Variants in INSL6 observed in about 807,000 individuals in gnomAD.
The protein encoded by INSL6 is insulin-like peptide INSL6.
In INSL6, 16 loss-of-function variants were observed where a neutral mutation model predicts 9.4. The ratio of observed to expected loss-of-function variants is 1.70; its 90% CI spans 1.15 to 2.59. The LOEUF is 2.59. Ranked by LOEUF, INSL6 falls within the 30% of genes most tolerant of loss-of-function variation. The pLI, the probability that INSL6 is intolerant of heterozygous loss-of-function variation, is 0.00. For missense variants in INSL6, 391 were observed against 257.3 expected (o/e 1.52, Z -3.56); for synonymous variants, 154 against 96.9 (o/e 1.59, Z -3.46).
the INSL6 span, among the ~76,000 whole-genome samples, chr9:5,035,911 T>C: frequency 3.3e-5 from 5 of 152,204 alleles, no homozygotes; most frequent in Admixed American, 6.5e-5. Context: ...AAATAAAGGT[T>C]ATTTGATTAG....
At chr9:5,082,132 A>G in the INSL6 span, among the ~76,000 whole-genome samples, 4 of 130,804 alleles carry the variant, frequency 3.1e-5, no homozygotes, top group Non-Finnish European at 5.9e-5. Flanking sequence ...AAGTATAGAG[A>G]AAGAAAAGTG....
chr9:5,111,215 G>A, the INSL6 span: 2 of 592,090 alleles, frequency 3.4e-6, no homozygotes, highest in Non-Finnish European at 6.2e-6. Context: ...GGAGGCAAGA[G>A]CAGCTAGCGC....
chr9:4,993,931 A>G, the INSL6 span, among the ~76,000 whole-genome samples: 1 of 152,162 alleles, frequency 6.6e-6, no homozygotes, highest in Non-Finnish European at 1.5e-5. Flanking sequence ...GTGTGTCTAA[A>G]TGGTCTCAGA....
At chr9:5,130,394 C>T (rs921277552) in intron 3 of INSL6, among the ~76,000 whole-genome samples, 2 of 152,106 alleles carry the variant, frequency 1.3e-5, no homozygotes, top group Admixed American at 1.3e-4. Flanking sequence ...TGGTAAATAA[C>T]AGATAGATCA....
At chr9:5,039,656 C>T in the INSL6 span, among the ~76,000 whole-genome samples, 1 of 151,854 alleles carries the variant, frequency 6.6e-6, no homozygotes, top group African/African-American at 2.4e-5. Context: ...AATAGAAGAT[C>T]AATATATAAA....
At chr9:5,088,645 C>G in the INSL6 span, among the ~76,000 whole-genome samples, 3 of 152,168 alleles carry the variant, frequency 2.0e-5, no homozygotes, top group African/African-American at 7.2e-5. Context: ...GCTTAAACAT[C>G]AGACATTTAT....
At chr9:5,128,007 T>C (rs1004027187) in intron 3 of INSL6, 5 of 231,718 alleles carry the variant, frequency 2.2e-5, no homozygotes, top group African/African-American at 1.1e-4. Context: ...GTATAAGGGG[T>C]TGTTCGTTGT....
At chr9:5,104,218 A>T in the INSL6 span, among the ~76,000 whole-genome samples, 1 of 152,206 alleles carries the variant, frequency 6.6e-6, no homozygotes, top group Admixed American at 6.5e-5. Flanking sequence ...GGAATAAAAA[A>T]TGGTAAAGGG....
At chr9:5,121,414 T>C (rs568666446), downstream of INSL6, among the ~76,000 whole-genome samples, 34 of 152,286 alleles carry the variant, frequency 2.2e-4, no homozygotes, top group South Asian at 6.2e-4. Flanking sequence ...CACTTGGTAA[T>C]TGGAGTGACT....
the INSL6 span, among the ~76,000 whole-genome samples, chr9:5,003,310 C>T: frequency 8.9e-4 from 135 of 151,956 alleles, no homozygotes; most frequent in African/African-American, 3.1e-3. Context: ...GGAAAAGAAC[C>T]GACATCTGAA....
At chr9:5,011,455 G>A in the INSL6 span, among the ~76,000 whole-genome samples, 21 of 152,296 alleles carry the variant, frequency 1.4e-4, no homozygotes, top group Admixed American at 3.3e-4. Flanking sequence ...CTCCCAAAAT[G>A]TTGGGATTAA....
At chr9:5,083,177 CCTTT>C in the INSL6 span, among the ~76,000 whole-genome samples, 1 of 150,862 alleles carries the variant, frequency 6.6e-6, no homozygotes, top group Non-Finnish European at 1.5e-5. Context: ...TTTCTGCCTG[CCTTT>C]CTGCCTTTAG....
chr9:5,092,644 G>T, the INSL6 span, among the ~76,000 whole-genome samples: 2 of 152,154 alleles, frequency 1.3e-5, no homozygotes, highest in African/African-American at 4.8e-5. Flanking sequence ...TATACCTTCT[G>T]CATAAAGTAT....
chr9:5,080,474 AAAG>A, the INSL6 span: 1 of 1,542,988 alleles, frequency 6.5e-7, no homozygotes, highest in East Asian at 2.3e-5. Flanking sequence ...CTAATTTTAA[AAAG>A]AAGGTTGGTG....
intron 1 of INSL6, among the ~76,000 whole-genome samples, chr9:5,181,799 A>G (rs922802562): frequency 2.6e-5 from 4 of 152,248 alleles, no homozygotes; most frequent in Non-Finnish European, 4.4e-5. Context: ...ATAAACAGGA[A>G]ATTTTAAGAG....
the INSL6 span, chr9:5,112,069 T>G: frequency 7.5e-6 from 3 of 398,688 alleles, no homozygotes; most frequent in Admixed American, 2.8e-5. Flanking sequence ...CTCCACGGCC[T>G]GGAGAGTAAG....
At chr9:5,166,532 A>G in intron 1 of INSL6, among the ~76,000 whole-genome samples, 1 of 152,226 alleles carries the variant, frequency 6.6e-6, no homozygotes. Context: ...TTTAAAATAA[A>G]TATTATGAAT....
At chr9:5,089,237 T>A in the INSL6 span, among the ~76,000 whole-genome samples, 1 of 152,138 alleles carries the variant, frequency 6.6e-6, no homozygotes, top group East Asian at 1.9e-4. Flanking sequence ...TTCCTTAATA[T>A]AAGCTTAAAG....
intron 2 of INSL6, among the ~76,000 whole-genome samples, chr9:5,145,642 G>A (rs1373703645): frequency 6.6e-6 from 1 of 152,114 alleles, no homozygotes; most frequent in East Asian, 1.9e-4. Flanking sequence ...TTTCTTGGAA[G>A]GTTTGTTTAT....
Sources: gnomAD v4.1 joint callset for allele counts (sites outside exome capture counted in the v4.1 genomes callset) on GRCh38, gnomAD v4.1.1 for gene constraint, MANE v1.5 for transcripts, NCBI Gene and HGNC (gene_info 2026-07-23, HGNC 2026-07-21) for gene names.